CADM2: variants seen among roughly 807,000 people sequenced by gnomAD.
CADM2 encodes the protein cell adhesion molecule 2.
CADM2 carries 12 observed loss-of-function variants against 49.8 expected under a neutral mutation model. The ratio of observed to expected loss-of-function variants is 0.24; its 90% confidence interval spans 0.15 to 0.39. The LOEUF is 0.39. Ranked by LOEUF, CADM2 falls within the 10% of genes least tolerant of loss-of-function variation. The pLI is 1.00. For synonymous variants in CADM2, 214 were observed against 175.4 expected, an observed-to-expected ratio of 1.22 and a Z score of -1.74; for missense variants, 378 against 492.3, an observed-to-expected ratio of 0.77 and a Z score of 2.20.
At chr3:85,471,875 A>T (rs2038785802) in intron 1 of CADM2, among the ~76,000 whole-genome samples, 1 of 151,688 alleles carries the variant, frequency 6.6e-6, no homozygotes, top group Non-Finnish European at 1.5e-5. Flanking sequence ...TGTACCTATA[A>T]GTAGTTCTCA....
intron 1 of CADM2, among the ~76,000 whole-genome samples, chr3:85,256,652 A>G (rs1257245702): frequency 6.6e-6 from 1 of 152,142 alleles, no homozygotes; most frequent in Non-Finnish European, 1.5e-5. Context: ...TTCTTTTAAT[A>G]CTTACAAAGT....
intron 1 of CADM2, among the ~76,000 whole-genome samples, chr3:85,001,901 T>C (rs2107218480): frequency 6.6e-6 from 1 of 152,250 alleles, no homozygotes; most frequent in African/African-American, 2.4e-5. Context: ...ATTAAATGCC[T>C]TCAAATATGT....
At chr3:85,985,723 T>C (rs1451317618) in intron 8 of CADM2, among the ~76,000 whole-genome samples, 1 of 151,994 alleles carries the variant, frequency 6.6e-6, no homozygotes, top group Non-Finnish European at 1.5e-5. Flanking sequence ...TTCTGAAAGA[T>C]CTTAATAAAT....
chr3:85,414,018 C>T (rs2035798386), intron 1 of CADM2, among the ~76,000 whole-genome samples: 1 of 152,092 alleles, frequency 6.6e-6, no homozygotes, highest in African/African-American at 2.4e-5. Flanking sequence ...GCCTGTGCCA[C>T]CACGCTCAGC....
chr3:85,658,026 A>G (rs2065266460), intron 1 of CADM2, among the ~76,000 whole-genome samples: 1 of 152,086 alleles, frequency 6.6e-6, no homozygotes, highest in African/African-American at 2.4e-5. Context: ...GGATTCATTG[A>G]AAATTCTTGA....
At position 85,839,208 on chromosome 3, in the gene CADM2, G is replaced by A. The variant is rs371836424; in HGVS notation, c.238+37012G>A. Among the ~76,000 whole-genome samples the A allele has an allele frequency of 6.6e-5, 10 of 151,838 alleles. No individual in the cohort carries two copies. In the South Asian group the frequency reaches 1.7e-3, roughly 25 times the overall value. On this transcript the variant is annotated intron_variant, in intron 3 of 9. Transcript: ENST00000383699. ...TCACTGTGTAGCATAGGGCCTGAGA[G>A]GAATAAAAAAGCTGCTCCGATTTTT...
At chr3:85,749,891 T>C (rs928032476) in intron 2 of CADM2, among the ~76,000 whole-genome samples, 6 of 152,064 alleles carry the variant, frequency 3.9e-5, no homozygotes, top group African/African-American at 1.4e-4. Flanking sequence ...ATTTTTGTTG[T>C]TATTGTTGCT....
chr3:85,154,738 C>A (rs1340290145), intron 1 of CADM2, among the ~76,000 whole-genome samples: 1 of 146,530 alleles, frequency 6.8e-6, no homozygotes, highest in African/African-American at 2.6e-5. Flanking sequence ...AACAGCGGAT[C>A]TCTTGGCAGA....
intron 1 of CADM2, among the ~76,000 whole-genome samples, chr3:85,568,468 TC>T (rs1559916053): frequency 5.4e-4 from 5 of 9,328 alleles, no homozygotes; most frequent in African/African-American, 1.2e-3. Context: ...TCTTTCTCTT[TC>T]TCTCTCTTTC....
At chr3:85,995,812 G>A (rs1421301548) in intron 8 of CADM2, among the ~76,000 whole-genome samples, 1 of 152,092 alleles carries the variant, frequency 6.6e-6, no homozygotes, top group Non-Finnish European at 1.5e-5. Context: ...AATACGGGGT[G>A]GGCACAGTGT....
At chr3:85,854,485 T>C (rs2108300899) in intron 3 of CADM2, among the ~76,000 whole-genome samples, 1 of 152,260 alleles carries the variant, frequency 6.6e-6, no homozygotes, top group African/African-American at 2.4e-5. Context: ...TGCAGGGACA[T>C]TGATTAATCT....
intron 3 of CADM2, among the ~76,000 whole-genome samples, chr3:85,855,775 T>C (rs1456514197): frequency 6.6e-6 from 1 of 151,522 alleles, no homozygotes; most frequent in Non-Finnish European, 1.5e-5. Flanking sequence ...TACAGGTGCC[T>C]GCCACCATGC....
chr3:84,963,219 C>T (rs970728183), intron 1 of CADM2, among the ~76,000 whole-genome samples: 7 of 152,086 alleles, frequency 4.6e-5, no homozygotes, highest in Non-Finnish European at 7.4e-5. Flanking sequence ...CTGGAGTAAG[C>T]GCAAGGGACA....
At chr3:85,947,033 T>C (rs1722803861) in intron 7 of CADM2, among the ~76,000 whole-genome samples, 1 of 152,052 alleles carries the variant, frequency 6.6e-6, no homozygotes, top group Non-Finnish European at 1.5e-5. Flanking sequence ...GAGAAAATTT[T>C]TGCAATCTAC....
intron 1 of CADM2, among the ~76,000 whole-genome samples, chr3:85,130,045 T>G (rs1263230509): frequency 1.3e-5 from 2 of 152,190 alleles, no homozygotes; most frequent in East Asian, 3.9e-4. Flanking sequence ...ATATCCCAGC[T>G]TAAGTTATCC....
At chr3:85,161,379 A>G (rs2107667939) in intron 1 of CADM2, among the ~76,000 whole-genome samples, 1 of 152,234 alleles carries the variant, frequency 6.6e-6, no homozygotes, top group South Asian at 2.1e-4. Context: ...CTGTTTCTGT[A>G]TGCCAGAGGT....
chr3:85,012,442 T>C (rs1275256208), intron 1 of CADM2, among the ~76,000 whole-genome samples: 2 of 150,532 alleles, frequency 1.3e-5, no homozygotes, highest in East Asian at 3.9e-4. Context: ...CTTAAGACTT[T>C]TATTTTTCAC....
At chr3:85,909,420 A>ATATATATAT (rs1559735946) in intron 5 of CADM2, among the ~76,000 whole-genome samples, 2 of 150,516 alleles carry the variant, frequency 1.3e-5, no homozygotes, top group Admixed American at 6.6e-5. Flanking sequence ...ATATATATAT[A>ATATATATAT]ATGTCCAATG....
intron 1 of CADM2, among the ~76,000 whole-genome samples, chr3:85,590,029 T>A (rs144940674): frequency 6.6e-6 from 1 of 152,080 alleles, no homozygotes; most frequent in East Asian, 1.9e-4. Flanking sequence ...GAATGTACAT[T>A]TAAAAACAGG....
Sources: gnomAD v4.1 joint callset for allele counts (sites outside exome capture counted in the v4.1 genomes callset) on GRCh38, gnomAD v4.1.1 for gene constraint, MANE v1.5 for transcripts, NCBI Gene and HGNC (gene_info 2026-07-23, HGNC 2026-07-21) for gene names.